CLYBL: variants seen among roughly 807,000 people sequenced by gnomAD.
The protein encoded by CLYBL is citramalyl-CoA lyase, mitochondrial.
Under a neutral mutation model 38.9 loss-of-function variants are expected in CLYBL, and 31 were observed. The ratio of observed to expected loss-of-function variants is 0.80; its 90% CI spans 0.60 to 1.08. The LOEUF is 1.08. CLYBL is among the 50% of genes least tolerant of loss of function. The pLI is 0.00. For synonymous variants in CLYBL, 171 were observed against 158.6 expected (o/e 1.08, Z -0.59); for missense variants, 434 against 411.6 (o/e 1.05, Z -0.47).
intron 1 of CLYBL, chr13:99,727,574 T>C (rs2048500245): frequency 6.6e-6 from 1 of 151,444 alleles, no homozygotes; most frequent in Non-Finnish European, 1.5e-5. Context: ...TCAGATCTAG[T>C]ATCCAAGAAG....
At chr13:99,715,156 G>GTA (rs780800488) in intron 1 of CLYBL, among the ~76,000 whole-genome samples, 3 of 152,060 alleles carry the variant, frequency 2.0e-5, no homozygotes, top group Non-Finnish European at 4.4e-5. Flanking sequence ...CAGCTTCGGG[G>GTA]GATTAGACCT....
At chr13:99,698,775 A>G (rs549764845) in intron 1 of CLYBL, among the ~76,000 whole-genome samples, 1 of 152,318 alleles carries the variant, frequency 6.6e-6, no homozygotes, top group East Asian at 1.9e-4. Context: ...CATTGTATGA[A>G]TTGTCAAAAA....
At chr13:99,658,219 C>G (rs1396021261) in intron 1 of CLYBL, among the ~76,000 whole-genome samples, 1 of 152,244 alleles carries the variant, frequency 6.6e-6, no homozygotes, top group African/African-American at 2.4e-5. Flanking sequence ...GCGCCCCCTC[C>G]TACCCTTTTT....
At chr13:99,750,416 G>C (rs2048933294) in intron 1 of CLYBL, among the ~76,000 whole-genome samples, 1 of 152,132 alleles carries the variant, frequency 6.6e-6, no homozygotes, top group Admixed American at 6.5e-5. Context: ...AGGCGCGGTG[G>C]CTCATGCCTG....
At position 99,864,878 on chromosome 13, in the gene CLYBL, G is replaced by C; in HGVS notation, c.601G>C (p.Val201Leu). Residue 201 changes from valine to leucine, a missense_variant, in exon 5 of 9, where the codon GTT becomes CTT. By Grantham distance (32) the Val-to-Leu change is conservative. Coordinates refer to ENST00000339105, the MANE Select transcript of CLYBL (RefSeq NM_206808.5). ...PQVGLFLDAVVFGGEDFRASI... is the reference protein window; with the variant it reads ...PQVGLFLDAVLFGGEDFRASI... ...AGTAGGTCTCTTTCTAGATGCAGTC[G>C]TTTTTGGAGGAGAAGACTTTCGAGC... 1.2e-6 allele frequency: 2 copies of C among 1,613,778 alleles called. No individual in the cohort carries two copies. Among genetic ancestry groups the C allele is most frequent in the Non-Finnish European group, 1.7e-6 (2 of 1,179,770 alleles).
chr13:99,891,285 T>G, intron 7 of CLYBL, 33 bp from the exon 8 acceptor site: 1 of 1,463,556 alleles, frequency 6.8e-7, no homozygotes, highest in Non-Finnish European at 9.6e-7. Context: ...TTTCGAGTAT[T>G]CTTTCAGGAA....
At chr13:99,688,055 G>A (rs2047843795) in intron 1 of CLYBL, among the ~76,000 whole-genome samples, 1 of 152,208 alleles carries the variant, frequency 6.6e-6, no homozygotes, top group Non-Finnish European at 1.5e-5. Flanking sequence ...GTTAAAGACA[G>A]TCAATCTGTT....
chr13:99,659,824 AT>A (rs1162378937), intron 1 of CLYBL, among the ~76,000 whole-genome samples: 3 of 152,206 alleles, frequency 2.0e-5, no homozygotes, highest in Admixed American at 1.3e-4. Context: ...GGCGGCATAA[AT>A]AATTGATATG....
At chr13:99,897,614 A>G (rs2052597359), downstream of CLYBL, among the ~76,000 whole-genome samples, 1 of 152,104 alleles carries the variant, frequency 6.6e-6, no homozygotes. Flanking sequence ...TGTCGGTGAA[A>G]CTTTCTCTCT....
chr13:99,667,238 C>T (rs2047494953), intron 1 of CLYBL, among the ~76,000 whole-genome samples: 1 of 152,030 alleles, frequency 6.6e-6, no homozygotes, highest in Admixed American at 6.6e-5. Context: ...CACAGAAATG[C>T]CACACGTAAC....
At chr13:99,717,436 G>GAAAAAAAAAAAAAAAAAAAAAAAAAA in intron 1 of CLYBL, among the ~76,000 whole-genome samples, 1 of 91,084 alleles carries the variant, frequency 1.1e-5, no homozygotes, top group Non-Finnish European at 2.1e-5. Flanking sequence ...AAAAAAATTA[G>GAAAAAAAAAAAAAAAAAAAAAAAAAA]AAAAAAAAAA....
At chr13:99,808,407 C>T (rs184784394) in intron 2 of CLYBL, among the ~76,000 whole-genome samples, 27 of 152,180 alleles carry the variant, frequency 1.8e-4, no homozygotes, top group Admixed American at 4.6e-4. Context: ...TGTAGAGGAA[C>T]GGTCACCTGA....
intron 2 of CLYBL, among the ~76,000 whole-genome samples, chr13:99,780,737 G>A (rs1242788340): frequency 2.3e-5 from 3 of 127,782 alleles, no homozygotes; most frequent in Admixed American, 9.0e-5. Context: ...TTTTTGAAAC[G>A]TAGTCTCACT....
At chr13:99,762,108 A>C (rs1324711586) in intron 1 of CLYBL, among the ~76,000 whole-genome samples, 1 of 152,158 alleles carries the variant, frequency 6.6e-6, no homozygotes, top group Non-Finnish European at 1.5e-5. Flanking sequence ...TCTCTCATTC[A>C]GCAGATTGTC....
chr13:99,830,680 C>T (rs1052347007), intron 2 of CLYBL, among the ~76,000 whole-genome samples: 1 of 152,174 alleles, frequency 6.6e-6, no homozygotes, highest in African/African-American at 2.4e-5. Flanking sequence ...GGCACTGTTC[C>T]TCTTAAGGGA....
At chr13:99,768,034 G>A (rs183331111) in intron 1 of CLYBL, among the ~76,000 whole-genome samples, 6 of 152,124 alleles carry the variant, frequency 3.9e-5, no homozygotes, top group Admixed American at 2.6e-4. Flanking sequence ...AAAAGTGAAT[G>A]TTTGAATCTA....
chr13:99,862,058 C>T (rs927097989), intron 3 of CLYBL, among the ~76,000 whole-genome samples: 1 of 152,112 alleles, frequency 6.6e-6, no homozygotes, highest in African/African-American at 2.4e-5. Flanking sequence ...TATATTTATG[C>T]AAATCTCTTA....
chr13:99,874,660 A>G (rs1594238503), intron 7 of CLYBL, among the ~76,000 whole-genome samples: 1 of 152,218 alleles, frequency 6.6e-6, no homozygotes, highest in African/African-American at 2.4e-5. Flanking sequence ...CATATAGCAT[A>G]CATGTTTATA....
chr13:99,834,573 A>G (rs2050892230), intron 2 of CLYBL, among the ~76,000 whole-genome samples: 1 of 152,036 alleles, frequency 6.6e-6, no homozygotes, highest in South Asian at 2.1e-4. Context: ...AGGGTGATGC[A>G]CCCAGTGGCT....
Sources: gnomAD v4.1 joint callset for allele counts (sites outside exome capture counted in the v4.1 genomes callset) on GRCh38, gnomAD v4.1.1 for gene constraint, MANE v1.5 for transcripts, NCBI Gene and HGNC (gene_info 2026-07-23, HGNC 2026-07-21) for gene names.